Variants in DLGAP2 observed in about 807,000 individuals in gnomAD.
The protein encoded by DLGAP2 is disks large-associated protein 2.
A neutral mutation model predicts 100.3 loss-of-function variants in DLGAP2; 26 were observed. The ratio of observed to expected loss-of-function variants is 0.26; its 90% CI spans 0.19 to 0.36. The LOEUF (loss-of-function observed/expected upper bound fraction) is 0.36, where lower values mean the gene tolerates loss of function less well. Among genes scored for constraint, DLGAP2 ranks in the 10% least tolerant of loss-of-function variants. The pLI is 1.00. For missense variants in DLGAP2, 1,858 were observed against 1,453.2 expected, an observed-to-expected ratio of 1.28 and a Z score of -4.53; for synonymous variants, 886 against 630.1, an observed-to-expected ratio of 1.41 and a Z score of -6.08.
At chr8:1,358,331 C>G (rs1046405734) in intron 3 of DLGAP2, among the ~76,000 whole-genome samples, 1 of 152,070 alleles carries the variant, frequency 6.6e-6, no homozygotes, top group African/African-American at 2.4e-5. Flanking sequence ...ATGTCAGGTT[C>G]AATCGTAGAT....
chr8:1,198,058 G>C (rs988944188), intron 2 of DLGAP2, among the ~76,000 whole-genome samples: 1 of 152,166 alleles, frequency 6.6e-6, no homozygotes, highest in African/African-American at 2.4e-5. Context: ...ATGAGGAACA[G>C]AGGCCAATTC....
chr8:1,361,963 G>A (rs1458494322), intron 3 of DLGAP2, among the ~76,000 whole-genome samples: 2 of 152,216 alleles, frequency 1.3e-5, no homozygotes, highest in Non-Finnish European at 2.9e-5. Context: ...CCTCCTGGCT[G>A]CAGGACACCT....
chr8:779,973 C>G (rs186148654), intron 1 of DLGAP2, among the ~76,000 whole-genome samples: 1 of 152,182 alleles, frequency 6.6e-6, no homozygotes, highest in African/African-American at 2.4e-5. Flanking sequence ...ACTGACATAC[C>G]TGTCACCTCA....
At chr8:1,328,535 G>C (rs2117053188) in intron 3 of DLGAP2, among the ~76,000 whole-genome samples, 1 of 151,896 alleles carries the variant, frequency 6.6e-6, no homozygotes, top group South Asian at 2.1e-4. Context: ...TTTTTTAGTA[G>C]AGACAGGGTT....
chr8:1,237,141 A>G (rs1487396762), intron 2 of DLGAP2, among the ~76,000 whole-genome samples: 2 of 127,736 alleles, frequency 1.6e-5, no homozygotes, highest in African/African-American at 6.7e-5. Context: ...GGCCGTGTCT[A>G]GTTCTCTCAC....
intron 1 of DLGAP2, among the ~76,000 whole-genome samples, chr8:861,626 A>G (rs1024064930): frequency 6.6e-6 from 1 of 152,246 alleles, no homozygotes; most frequent in Admixed American, 6.5e-5. Context: ...TTAATGTGAA[A>G]TCAAATATGG....
chr8:864,677 T>G (rs1797457403), intron 1 of DLGAP2, among the ~76,000 whole-genome samples: 1 of 152,174 alleles, frequency 6.6e-6, no homozygotes, highest in South Asian at 2.1e-4. Context: ...ACCGGTGCAC[T>G]TTCAGTAAAC....
At chr8:930,471 G>A (rs1400964480) in intron 2 of DLGAP2, among the ~76,000 whole-genome samples, 3 of 152,198 alleles carry the variant, frequency 2.0e-5, no homozygotes, top group African/African-American at 4.8e-5. Context: ...GAAGCCAGGG[G>A]GTGAGAGGGT....
intron 3 of DLGAP2, among the ~76,000 whole-genome samples, chr8:1,286,677 A>G (rs1442977802): frequency 4.6e-5 from 7 of 152,184 alleles, no homozygotes; most frequent in South Asian, 2.1e-4. Context: ...CTCAGTCCCT[A>G]TGAGAACAGT....
chr8:1,484,862 G>A (rs1799198149), intron 3 of DLGAP2, among the ~76,000 whole-genome samples: 1 of 152,172 alleles, frequency 6.6e-6, no homozygotes. Flanking sequence ...TGGCAGCAGA[G>A]AGCAGACCTG....
intron 6 of DLGAP2, among the ~76,000 whole-genome samples, chr8:1,573,060 A>AG (rs1802805479): frequency 5.3e-5 from 2 of 37,620 alleles, no homozygotes. Flanking sequence ...GAGAGGAGAG[A>AG]GGGTGAACTG....
intron 5 of DLGAP2, among the ~76,000 whole-genome samples, chr8:1,559,371 A>G (rs1389824686): frequency 6.6e-6 from 1 of 152,142 alleles, no homozygotes; most frequent in Non-Finnish European, 1.5e-5. Flanking sequence ...AACATAACGG[A>G]GAGAGATTTG....
chr8:765,480 A>G (rs933687858), intron 1 of DLGAP2, among the ~76,000 whole-genome samples: 2 of 152,148 alleles, frequency 1.3e-5, no homozygotes, highest in Non-Finnish European at 2.9e-5. Context: ...AACCAAAATA[A>G]TTATTAATTG....
chr8:1,422,288 T>C (rs1008712096), intron 3 of DLGAP2, among the ~76,000 whole-genome samples: 9 of 152,136 alleles, frequency 5.9e-5, no homozygotes, highest in East Asian at 5.8e-4. Context: ...AAAAATGTCA[T>C]TCTAGTTTTC....
intron 1 of DLGAP2, among the ~76,000 whole-genome samples, chr8:796,293 G>A (rs138794018): frequency 6.6e-6 from 1 of 152,168 alleles, no homozygotes; most frequent in Non-Finnish European, 1.5e-5. Flanking sequence ...CTTGGACTTT[G>A]TGTCCCTGCT....
In DLGAP2 at chr8:870,359, C is replaced by G. The variant is rs75877232; in HGVS notation, c.19-37553C>G. ...CATCTTCACTGAGAGGTACTGACAG[C>G]TCTTAAAACCGGCATTCCTGTTCCC... On this transcript the variant is annotated intron_variant, in intron 1 of 14. Transcript: ENST00000637795. Among the ~76,000 whole-genome samples the G allele has an allele frequency of 8.8e-3, 1,342 of 152,268 alleles. 13 individuals are homozygous for G. Among genetic ancestry groups the G allele is most frequent in the Non-Finnish European group, 0.014 (974 of 68,030 alleles).
At chr8:1,369,703 G>C (rs551559376) in intron 3 of DLGAP2, 1 of 152,238 alleles carries the variant, frequency 6.6e-6, no homozygotes. Flanking sequence ...TCTTAGGAAG[G>C]CTTTTCCAAC....
chr8:1,326,102 C>G (rs1585261998), intron 3 of DLGAP2, among the ~76,000 whole-genome samples: 1 of 152,154 alleles, frequency 6.6e-6, no homozygotes, highest in East Asian at 1.9e-4. Context: ...TTTTCTTCTT[C>G]GATGGTTTCT....
chr8:885,812 G>T (rs534030326), intron 1 of DLGAP2, among the ~76,000 whole-genome samples: 1 of 152,176 alleles, frequency 6.6e-6, no homozygotes, highest in East Asian at 1.9e-4. Flanking sequence ...CTAGTTTATT[G>T]AGAGTGTTTA....
Sources: allele counts gnomAD v4.1 joint callset (sites outside exome capture counted in the v4.1 genomes callset), GRCh38; gene constraint gnomAD v4.1.1; transcripts MANE v1.5; gene names NCBI Gene and HGNC (gene_info 2026-07-23, HGNC 2026-07-21).